Variants in DDX3X observed in about 807,000 individuals in gnomAD.
DDX3X encodes the protein DEAD-box helicase 3 X-linked.
Under a neutral mutation model 52.7 loss-of-function variants are expected in DDX3X, and 4 were observed. The ratio of observed to expected loss-of-function variants is 0.08; its 90% CI spans 0.04 to 0.17. The LOEUF (loss-of-function observed/expected upper bound fraction) is 0.17. DDX3X is among the 10% of genes least tolerant of loss of function. The pLI is 1.00. For synonymous variants in DDX3X, 192 were observed against 178.1 expected (o/e 1.08, Z -0.62); for missense variants, 222 against 548.6 (o/e 0.40, Z 5.95).
downstream of DDX3X, among the ~76,000 whole-genome samples, chrX:41,351,880 T>C (rs1186813296): frequency 2.7e-5 from 3 of 111,167 alleles, no homozygotes; most frequent in Non-Finnish European, 5.7e-5. Context: ...TTAATTATAT[T>C]ATGAAAGGAT....
intron 10 of DDX3X, 44 bp from the exon 11 acceptor site, chrX:41,345,136 C>T: frequency 8.4e-7 from 1 of 1,184,050 alleles, no homozygotes; most frequent in Non-Finnish European, 1.1e-6. Flanking sequence ...TTGATTTCTC[C>T]TCAAATTCTA....
downstream of DDX3X, chrX:41,351,564 A>C (rs898484062): frequency 9.0e-6 from 1 of 111,542 alleles, no homozygotes; most frequent in Admixed American, 9.6e-5. Context: ...ATGCAGAGAT[A>C]CCTACTTATT....
At chrX:41,346,799 T>C (rs1175126370) in intron 14 of DDX3X, 60 bp from the exon 15 acceptor site, 7 of 1,055,149 alleles carry the variant, frequency 6.6e-6, no homozygotes, top group East Asian at 6.1e-5. Context: ...AAAGTAAGAA[T>C]AGTAGCAAGT....
At chrX:41,353,928 TA>T (rs1211343759), downstream of DDX3X, among the ~76,000 whole-genome samples, 1 of 111,620 alleles carries the variant, frequency 9.0e-6, no homozygotes, top group Non-Finnish European at 1.9e-5. Flanking sequence ...AGAATGATCT[TA>T]AGTATTTTGA....
intron 2 of DDX3X, 83 bp from the exon 3 acceptor site, chrX:41,338,953 A>G: frequency 2.6e-6 from 1 of 382,760 alleles, no homozygotes. Flanking sequence ...TTAATTTCCC[A>G]GAACCATTTT....
chrX:41,343,865 G>T (rs2063886417), intron 8 of DDX3X, 43 bp downstream of exon 8: 1 of 1,109,661 alleles, frequency 9.0e-7, no homozygotes, highest in Non-Finnish European at 1.2e-6. Flanking sequence ...GAACTTTGTA[G>T]GTGGCCATTG....
chrX:41,334,565 A>G, intron 1 of DDX3X: 1 of 1,088,656 alleles, frequency 9.2e-7, no homozygotes, highest in Non-Finnish European at 1.2e-6. Context: ...GAGGGGGAGG[A>G]AGTGCGCGCG....
chrX:41,362,381 G>A (rs775186907), intron 5 of DDX3X, among the ~76,000 whole-genome samples: 13 of 111,174 alleles, frequency 1.2e-4, no homozygotes, highest in Admixed American at 4.8e-4. Context: ...GAGCCACAAT[G>A]CCCAGCTGAG....
chrX:41,362,689 C>G (rs965382967), intron 5 of DDX3X, among the ~76,000 whole-genome samples: 2 of 112,148 alleles, frequency 1.8e-5, no homozygotes, highest in African/African-American at 6.5e-5. Context: ...TCCAAGGAAG[C>G]GCTACAGAAA....
rs1285488296 is a variant in DDX3X, at chrX:41,345,475, C to T, written c.1242C>T (p.Asn414=). 8.3e-7 allele frequency: 1 copy of T among 1,210,058 alleles called. No homozygotes were observed. Among genetic ancestry groups the T allele is most frequent in the Non-Finnish European group, 1.1e-6 (1 of 894,387 alleles). Reference sequence around the variant, plus strand: ...GAAGAGTTGGCTCTACCTCTGAAAACATCACACAGAAAGTAGTTTGGGTGG... The same window carrying T: ...GAAGAGTTGGCTCTACCTCTGAAAATATCACACAGAAAGTAGTTTGGGTGG... ...AVGRVGSTSE[N]ITQKVVWVEE... Residue 414 remains asparagine (N), a synonymous_variant, in exon 12 of 17, where the codon AAC becomes AAT. Coordinates refer to ENST00000644876, the MANE Select transcript of DDX3X (RefSeq NM_001356.5).
intron 1 of DDX3X, among the ~76,000 whole-genome samples, chrX:41,337,148 G>C: frequency 8.9e-6 from 1 of 112,212 alleles, no homozygotes; most frequent in African/African-American, 3.2e-5. Flanking sequence ...ATTAAATTTG[G>C]ACAGTTTCTA....
chrX:41,343,091 T>C, intron 6 of DDX3X, 125 bp from the exon 7 acceptor site: 2 of 853,454 alleles, frequency 2.3e-6, no homozygotes, highest in Non-Finnish European at 3.3e-6. Flanking sequence ...CAAAGTATAA[T>C]GTGATAATTT....
At chrX:41,353,557 G>A (rs1473246815), downstream of DDX3X, among the ~76,000 whole-genome samples, 1 of 106,746 alleles carries the variant, frequency 9.4e-6, no homozygotes, top group African/African-American at 3.4e-5. Flanking sequence ...TGGGAGGTGG[G>A]TGGAGTTCAA....
At position 41,355,648 on chromosome X, in the gene DDX3X, T is replaced by TC. The variant is rs1555956215; in HGVS notation, c.654+8197_654+8198insC. Among the ~76,000 whole-genome samples, 11 of 101,864 alleles carry TC rather than the reference T, an allele frequency of 1.1e-4. No homozygotes were observed. In the South Asian group the frequency reaches 3.3e-3, roughly 30 times the overall value. 88.5% of individuals were successfully genotyped at this position (101,864 alleles called of 115,157 possible). A position where few individuals can be genotyped will look rare whatever the true frequency, so the allele number is the denominator to read the frequency against. The stretch of plus-strand genomic sequence containing the variant: ...ATGCTCGGCTAATTTTCTTTTTCTT[T>TC]TTTTTTTTTTTTTTGAGATGTGGTC... On this transcript the variant is annotated intron_variant, in intron 5 of 5. Coordinates refer to the DDX3X transcript ENST00000616050.
chrX:41,360,524 C>G (rs1427610050), intron 5 of DDX3X, among the ~76,000 whole-genome samples: 1 of 108,371 alleles, frequency 9.2e-6, no homozygotes, highest in Non-Finnish European at 1.9e-5. Context: ...CTCACCGCAA[C>G]CTTTGTCTCC....
chrX:41,351,944 C>T (rs1046424777), downstream of DDX3X, among the ~76,000 whole-genome samples: 17 of 111,277 alleles, frequency 1.5e-4, no homozygotes, highest in South Asian at 7.5e-4. Context: ...CGGACCAATA[C>T]GATTTAAGAG....
At chrX:41,342,397 A>G (rs2063864077) in intron 4 of DDX3X, 98 bp from the exon 5 acceptor site, 2 of 950,176 alleles carry the variant, frequency 2.1e-6, no homozygotes. Flanking sequence ...CCTTATGGTT[A>G]GCCATAACTT....
chrX:41,355,785 G>A (rs1017411687), intron 5 of DDX3X, among the ~76,000 whole-genome samples: 23 of 109,237 alleles, frequency 2.1e-4, no homozygotes, highest in Non-Finnish European at 4.4e-4. Context: ...CACCAGGCAT[G>A]TCATTATTTT....
downstream of DDX3X, chrX:41,350,810 A>C (rs1602141191): frequency 8.9e-6 from 1 of 111,978 alleles, no homozygotes. Context: ...CACTGCTGCA[A>C]TAGGCTGCTA....
Sources: allele counts gnomAD v4.1 joint callset (sites outside exome capture counted in the v4.1 genomes callset), GRCh38; gene constraint gnomAD v4.1.1; transcripts MANE v1.5; gene names NCBI Gene and HGNC (gene_info 2026-07-23, HGNC 2026-07-21).